KLHDC3: variants seen among roughly 807,000 people sequenced by gnomAD.
The protein encoded by KLHDC3 is kelch domain containing 3.
A neutral mutation model predicts 44.1 loss-of-function variants in KLHDC3; 5 were observed. The ratio of observed to expected loss-of-function variants is 0.11; its 90% CI spans 0.06 to 0.24. KLHDC3 has a LOEUF of 0.24. Ranked by LOEUF, KLHDC3 falls within the 10% of genes least tolerant of loss-of-function variation. The pLI is 1.00. For missense variants in KLHDC3, 247 were observed against 514.3 expected (o/e 0.48, Z 5.03); for synonymous variants, 170 against 189.0 (o/e 0.90, Z 0.82).
chr6:43,020,583 G>A (rs1486289250), intron 10 of KLHDC3, 84 bp from the exon 11 acceptor site: 3 of 1,054,860 alleles, frequency 2.8e-6, no homozygotes, highest in Middle Eastern at 2.0e-4. Flanking sequence ...GGAGAGACTG[G>A]TGTGTTTTTA....
In KLHDC3 at chr6:43,021,160, G is replaced by C. The variant is rs912810464; in HGVS notation, c.*427G>C. On this transcript the variant is annotated 3_prime_UTR_variant, in exon 11 of 11. Transcript: ENST00000326974. ...CTGGGAGCTGAAAGGAGTTGCAGCT[G>C]TTGGCATGAGACCTCCTTCTCCCCG... 14 of 463,900 alleles carry C rather than the reference G, an allele frequency of 3.0e-5. No homozygotes were observed. The highest frequency in any genetic ancestry group is 2.8e-4 in the Admixed American group (12 of 42,462). 28.7% of individuals were successfully genotyped at this position (463,900 alleles called of 1,614,324 possible). A position where few individuals can be genotyped will look rare whatever the true frequency, so the allele number is the denominator to read the frequency against.
chr6:43,017,250 G>A lies in KLHDC3; in HGVS notation c.58G>A (p.Val20Met). 1.9e-6 allele frequency: 3 copies of A among 1,614,210 alleles called. No individual in the cohort carries two copies. The highest frequency in any genetic ancestry group is 2.5e-6 in the Non-Finnish European group (3 of 1,180,034). Residue 20 changes from valine (V) to methionine (M), a missense_variant, in exon 2 of 11, where the codon GTG (valine) becomes ATG (methionine). By Grantham distance (21) the Val-to-Met change is conservative. This residue lies in a region of KLHDC3 where 71 missense variants were observed against 100.8 expected (regional missense o/e 0.70). Coordinates refer to ENST00000326974, the MANE Select transcript of KLHDC3 (RefSeq NM_057161.4). The surrounding 1 kb of genome is among the most constrained non-coding windows in gnomAD (Gnocchi z 6.0). ...GGPRRVNHAA[V>M]AVGHRVYSFG... ...GCCCCGCAGGGTGAACCATGCTGCA[G>A]TGGCTGTCGGGCATCGGGTATACTC...
chr6:43,017,776 G>A lies in KLHDC3; in HGVS notation c.332-77G>A. The A allele has an allele frequency of 6.3e-7, 1 of 1,590,058 alleles. No individual in the cohort carries two copies. On this transcript the variant is annotated intron_variant, in intron 3 of 10. Coordinates refer to ENST00000326974, the MANE Select transcript of KLHDC3 (RefSeq NM_057161.4). The surrounding 1 kb of genome is among the most constrained non-coding windows in gnomAD (Gnocchi z 6.0). ...AGAAAGGTTTGGGTTGGGGGTCTTG[G>A]GGAGTAGAGTACCCCAGAGCTGAGG... is the stretch of plus-strand genomic sequence containing the variant.
intron 10 of KLHDC3, among the ~76,000 whole-genome samples, chr6:43,020,304 C>T (rs2150293050): frequency 6.6e-6 from 1 of 152,170 alleles, no homozygotes; most frequent in Non-Finnish European, 1.5e-5. Flanking sequence ...TGAGGCATTC[C>T]TGGTGAGGGT....
At position 43,017,677 on chromosome 6, in the gene KLHDC3, C is replaced by G; in HGVS notation, c.313C>G (p.Leu105Val). Residue 105 changes from leucine (L) to valine (V), a missense_variant, in exon 3 of 11, where the codon CTC becomes GTC. This residue lies in a region of KLHDC3 where 176 missense variants were observed against 413.5 expected (regional missense o/e 0.43). Coordinates refer to ENST00000326974, the MANE Select transcript of KLHDC3 (RefSeq NM_057161.4). The surrounding 1 kb of genome is among the most constrained non-coding windows in gnomAD (Gnocchi z 6.0). Reference protein sequence around the residue: ...RNDTEGACNVLYAFDVNTHKW... With the variant: ...RNDTEGACNVVYAFDVNTHKW... ...TGACACCGAAGGGGCCTGCAATGTG[C>G]TCTATGCCTTTGACGTCAGTGAGTA... The G allele has an allele frequency of 1.2e-6, 2 of 1,612,372 alleles. No individual in the cohort carries two copies. Among genetic ancestry groups the G allele is most frequent in the Non-Finnish European group, 1.7e-6 (2 of 1,179,050 alleles).
chr6:43,017,842 A>T lies in KLHDC3; in HGVS notation c.332-11A>T. ...GGGTGCTTAGTTGAGCCATTTTCTC[A>T]TCTCCTTCAGATACGCACAAGTGGT... On this transcript the variant is annotated splice_polypyrimidine_tract_variant and intron_variant, in intron 3 of 10. Coordinates refer to ENST00000326974, the MANE Select transcript of KLHDC3 (RefSeq NM_057161.4). The surrounding 1 kb of genome is among the most constrained non-coding windows in gnomAD (Gnocchi z 6.0). 1 of 1,610,736 alleles carries T rather than the reference A, an allele frequency of 6.2e-7. No individual in the cohort carries two copies. The highest frequency in any genetic ancestry group is 8.5e-7 in the Non-Finnish European group (1 of 1,177,472).
intron 1 of KLHDC3, among the ~76,000 whole-genome samples, chr6:43,016,260 C>T (rs1191023862): frequency 6.6e-6 from 1 of 152,168 alleles, no homozygotes; most frequent in Non-Finnish European, 1.5e-5. Context: ...CACACTCCCA[C>T]CTCTATCCGC....
chr6:43,016,090 C>A (rs867602239), intron 1 of KLHDC3, among the ~76,000 whole-genome samples: 1 of 151,840 alleles, frequency 6.6e-6, no homozygotes, highest in Non-Finnish European at 1.5e-5. Flanking sequence ...TGCGCGCCAC[C>A]GTGCCCAGCT....
intron 10 of KLHDC3, among the ~76,000 whole-genome samples, chr6:43,019,974 C>T (rs1237764695): frequency 1.3e-5 from 2 of 152,046 alleles, no homozygotes; most frequent in Non-Finnish European, 2.9e-5. Context: ...GTCAGGAGTT[C>T]GAGACCATCC....
Position 43,017,241 on chromosome 6 carries a change from C to T in KLHDC3, c.49C>T (p.His17Tyr), listed in dbSNP as rs1762600159. 2 of 1,614,048 alleles carry T rather than the reference C, an allele frequency of 1.2e-6. No homozygotes were observed. Among genetic ancestry groups the T allele is most frequent in the African/African-American group, 2.7e-5 (2 of 74,944 alleles). The part of the protein sequence containing the change: ...HLEGGPRRVN[H>Y]AAVAVGHRVY... Reference sequence around the variant, plus strand: ...GGAGGGCGGGCCCCGCAGGGTGAACCATGCTGCAGTGGCTGTCGGGCATCG... The same window carrying T: ...GGAGGGCGGGCCCCGCAGGGTGAACTATGCTGCAGTGGCTGTCGGGCATCG... The change falls in exon 2 of 11, where the codon CAT (histidine) becomes TAT (tyrosine). Residue 17 changes from histidine (H) to tyrosine (Y), a missense_variant. Physicochemically the swap from His to Tyr is moderately conservative, Grantham distance 83. Around this residue, in one of 2 missense-constraint regions of KLHDC3, gnomAD observed 71 missense variants for 100.8 expected, o/e 0.70. Transcript: ENST00000326974. This position sits in a 1 kb window ranked among gnomAD's most constrained non-coding sequence, Gnocchi z 6.0.
In KLHDC3 at chr6:43,020,651, ATTG is replaced by A. The variant is rs1268242742; in HGVS notation, c.1083-12_1083-10del. The stretch of plus-strand genomic sequence containing the variant: ...GGGCCCCCTCTTCTTTCTGTCTCTT[ATTG>A]TTGGCCTTCCAGGTGGGAGCTGAAT... On this transcript the variant is annotated splice_polypyrimidine_tract_variant and intron_variant, in intron 10 of 10. Coordinates refer to ENST00000326974, the MANE Select transcript of KLHDC3 (RefSeq NM_057161.4). 2 of 1,608,464 alleles carry A rather than the reference ATTG, an allele frequency of 1.2e-6. No individual in the cohort carries two copies. Among genetic ancestry groups the A allele is most frequent in the Non-Finnish European group, 8.5e-7 (1 of 1,175,566 alleles).
chr6:43,019,421 G>T, intron 10 of KLHDC3, 55 bp downstream of exon 10: 1 of 1,229,642 alleles, frequency 8.1e-7, no homozygotes, highest in Non-Finnish European at 1.2e-6. Flanking sequence ...AGCAGCACAG[G>T]TGTGACCTGA....
In KLHDC3 at chr6:43,017,857, G is replaced by A. The variant is rs368544387; in HGVS notation, c.336G>A (p.Thr112=). 25 of 1,612,802 alleles carry A rather than the reference G, an allele frequency of 1.6e-5. No individual in the cohort carries two copies. The highest frequency in any genetic ancestry group is 3.3e-5 in the South Asian group (3 of 91,058). Residue 112 remains threonine, a synonymous_variant, in exon 4 of 11, where the codon ACG becomes ACA. Transcript: ENST00000326974. This position sits in a 1 kb window ranked among gnomAD's most constrained non-coding sequence, Gnocchi z 6.0. ...CCATTTTCTCATCTCCTTCAGATAC[G>A]CACAAGTGGTTCACACCCCGAGTGT... ...CNVLYAFDVN[T]HKWFTPRVSG...
chr6:43,015,157 C>G (rs1348503998), intron 1 of KLHDC3, among the ~76,000 whole-genome samples: 2 of 152,152 alleles, frequency 1.3e-5, no homozygotes, highest in South Asian at 4.1e-4. Context: ...GCCCATCGAC[C>G]TCCTAACAGT....
rs1370523861 is a variant in KLHDC3 at position 43,017,167 on chromosome 6, T to G, written c.-26T>G. ...GGCAGCAGGCCGTGCCGGGGGGGCA[T>G]GTTGCTGTAACCAGTGGCCCAGGGG... On this transcript the variant is annotated 5_prime_UTR_variant, in exon 2 of 11. An upstream start codon of the reference 5' UTR is lost. Transcript: ENST00000326974. The surrounding 1 kb of genome is among the most constrained non-coding windows in gnomAD (Gnocchi z 6.0). 1 of 1,604,110 alleles carries G rather than the reference T, an allele frequency of 6.2e-7. No homozygotes were observed. The highest frequency in any genetic ancestry group is 8.5e-7 in the Non-Finnish European group (1 of 1,176,090).
chr6:43,018,278 A>C lies in KLHDC3; in HGVS notation c.519+62A>C. 6.3e-7 allele frequency: 1 copy of C among 1,575,044 alleles called. No homozygotes were observed. Among genetic ancestry groups the C allele is most frequent in the Non-Finnish European group, 8.7e-7 (1 of 1,144,988 alleles). On this transcript the variant is annotated intron_variant, in intron 5 of 10. Coordinates refer to ENST00000326974, the MANE Select transcript of KLHDC3 (RefSeq NM_057161.4). This position sits in a 1 kb window ranked among gnomAD's most constrained non-coding sequence, Gnocchi z 6.0. ...CTGTTGAAGCAATGATAGGAAGCTCAGTCAGAGGAGATCCTCTTCCAGTCT... is the reference window on the plus strand; with the variant it reads ...CTGTTGAAGCAATGATAGGAAGCTCCGTCAGAGGAGATCCTCTTCCAGTCT...
intron 1 of KLHDC3, 119 bp downstream of exon 1, chr6:43,014,467 G>A (rs1427099543): frequency 3.8e-6 from 2 of 523,100 alleles, no homozygotes; most frequent in South Asian, 3.1e-5. Flanking sequence ...GAGGGAGCTA[G>A]GGGGATGATG....
chr6:43,016,414 A>T (rs371345463), intron 1 of KLHDC3: 2 of 152,360 alleles, frequency 1.3e-5, no homozygotes, highest in East Asian at 3.9e-4. Context: ...CTAAGCATAC[A>T]CATACCTTTC....
In KLHDC3 at chr6:43,020,932, G is replaced by C. The variant is rs1762678225; in HGVS notation, c.*199G>C. 1.5e-6 allele frequency: 1 copy of C among 666,926 alleles called. No individual in the cohort carries two copies. The highest frequency in any genetic ancestry group is 1.8e-5 in the African/African-American group (1 of 56,252). The allele number at this position is 666,926 out of a possible 1,614,324, so 41.3% of individuals were successfully genotyped here. A position where few individuals can be genotyped will look rare whatever the true frequency, so the allele number is the denominator to read the frequency against. On this transcript the variant is annotated 3_prime_UTR_variant, in exon 11 of 11. Transcript: ENST00000326974. ...GGCTAGGTTCCTCCCCCCTTGGGCCGAGGGCCCCTTCCCCTTGGTGCTCTG... is the reference window on the plus strand; with the variant it reads ...GGCTAGGTTCCTCCCCCCTTGGGCCCAGGGCCCCTTCCCCTTGGTGCTCTG...
Sources: allele counts gnomAD v4.1 joint callset (sites outside exome capture counted in the v4.1 genomes callset), GRCh38; gene constraint gnomAD v4.1.1; regional missense constraint gnomAD v4.1.1; non-coding constraint Gnocchi (gnomAD v3.1); transcripts MANE v1.5; gene names NCBI Gene and HGNC (gene_info 2026-07-23, HGNC 2026-07-21).